The following GABRB3 variants were observed in gnomAD, a reference collection of about 807,000 sequenced individuals.
The protein encoded by GABRB3 is gamma-aminobutyric acid receptor subunit beta-3.
In GABRB3, 14 loss-of-function variants were observed where a neutral mutation model predicts 52.1. The ratio of observed to expected loss-of-function variants is 0.27; its 90% confidence interval spans 0.18 to 0.42. The LOEUF (loss-of-function observed/expected upper bound fraction) is 0.42. Among genes scored for constraint, GABRB3 ranks in the 10% least tolerant of loss-of-function variants. The pLI is 1.00. For synonymous variants in GABRB3, 260 were observed against 232.3 expected (o/e 1.12, Z -1.08); for missense variants, 307 against 609.1 (o/e 0.50, Z 5.22).
At chr15:26,595,774 C>T in intron 4 of GABRB3, among the ~76,000 whole-genome samples, 1 of 152,144 alleles carries the variant, frequency 6.6e-6, no homozygotes, top group Admixed American at 6.5e-5. Flanking sequence ...GACTTTAGGT[C>T]AAAAGAGCCT....
chr15:26,710,803 G>GT (rs1338224961), intron 3 of GABRB3, among the ~76,000 whole-genome samples: 4 of 151,770 alleles, frequency 2.6e-5, no homozygotes, highest in Non-Finnish European at 4.4e-5. Flanking sequence ...AGCTATAAAC[G>GT]TTTTTTCTAT....
chr15:26,726,487 A>C (rs1889774050), intron 3 of GABRB3, among the ~76,000 whole-genome samples: 1 of 152,242 alleles, frequency 6.6e-6, no homozygotes, highest in South Asian at 2.1e-4. Context: ...CATTGCATTT[A>C]GCAGTCTTCT....
intron 3 of GABRB3, among the ~76,000 whole-genome samples, chr15:26,688,160 C>G (rs531644487): frequency 6.6e-6 from 1 of 152,186 alleles, no homozygotes; most frequent in Non-Finnish European, 1.5e-5. Context: ...GAGTCAATGG[C>G]AAGTATATCC....
intron 3 of GABRB3, among the ~76,000 whole-genome samples, chr15:26,680,999 C>T (rs1450843937): frequency 6.6e-6 from 1 of 152,126 alleles, no homozygotes; most frequent in Non-Finnish European, 1.5e-5. Flanking sequence ...TAAGATTAAC[C>T]CTCTTCATGG....
At chr15:26,765,333 G>T (rs1327875693) in intron 3 of GABRB3, among the ~76,000 whole-genome samples, 1 of 152,022 alleles carries the variant, frequency 6.6e-6, no homozygotes, top group Non-Finnish European at 1.5e-5. Context: ...TAGCATAAAA[G>T]TTCCCCAGTG....
At chr15:26,586,397 A>AACACACACACACACACACAC (rs56386894) in intron 4 of GABRB3, among the ~76,000 whole-genome samples, 9,933 of 137,922 alleles carry the variant, frequency 0.072, 557 homozygotes, top group Admixed American at 0.097. Context: ...AACCACCCCT[A>AACACACACACACACACACAC]ACACACACAC....
rs141719124 is a variant in GABRB3, at chr15:26,560,228, A to G, written c.1080+704T>C. Among the ~76,000 whole-genome samples, 727 of 152,312 alleles carry G rather than the reference A, an allele frequency of 4.8e-3. 5 individuals carry two copies. Among genetic ancestry groups the G allele is most frequent in the African/African-American group, 0.017 (702 of 41,564 alleles). On this transcript the variant is annotated intron_variant, in intron 8 of 8. Coordinates refer to ENST00000311550, the MANE Select transcript of GABRB3 (RefSeq NM_000814.6). ...GGAAACCCTGTGACATGCACAAGGA[A>G]ATATTTCAGATTATGATCATCAAGC...
chr15:26,646,345 T>C (rs1432414668), intron 3 of GABRB3, among the ~76,000 whole-genome samples: 1 of 152,220 alleles, frequency 6.6e-6, no homozygotes, highest in African/African-American at 2.4e-5. Flanking sequence ...TTCTTTCACT[T>C]AGCATCATAC....
intron 5 of GABRB3, chr15:26,581,295 A>G (rs1566757453): frequency 6.6e-6 from 1 of 152,282 alleles, no homozygotes; most frequent in Non-Finnish European, 1.5e-5. Flanking sequence ...AGACTTTTTA[A>G]TTTGAACATA....
intron 4 of GABRB3, among the ~76,000 whole-genome samples, chr15:26,591,489 T>C (rs1265980016): frequency 6.6e-6 from 1 of 152,146 alleles, no homozygotes; most frequent in Non-Finnish European, 1.5e-5. Context: ...ACAGGCCCAA[T>C]GTACCTCCTC....
At position 26,545,631 on chromosome 15, in the gene GABRB3, G is replaced by A. The variant is rs375191748; in HGVS notation, c.*2162C>T. The A allele has an allele frequency of 2.0e-5, 3 of 152,432 alleles. No homozygotes were observed. The highest frequency in any genetic ancestry group is 7.2e-5 in the African/African-American group (3 of 41,428). The allele number at this position is 152,432 out of a possible 1,614,324, so 9.4% of individuals were successfully genotyped here. ...TACAGAAAAAGATACCTGAAGTATT[G>A]AAAGGGATAAGGTCTTTGCAAATGT... On this transcript the variant is annotated 3_prime_UTR_variant, in exon 9 of 9. Coordinates refer to ENST00000311550, the MANE Select transcript of GABRB3 (RefSeq NM_000814.6).
chr15:26,634,187 G>A (rs35680894), intron 3 of GABRB3, among the ~76,000 whole-genome samples: 1 of 151,846 alleles, frequency 6.6e-6, no homozygotes, highest in African/African-American at 2.4e-5. Context: ...TTCCACTGCT[G>A]TCTCTGGCCC....
intron 3 of GABRB3, among the ~76,000 whole-genome samples, chr15:26,649,658 CTGTGTGTGTG>C (rs57833685): frequency 2.3e-5 from 3 of 130,092 alleles, no homozygotes; most frequent in African/African-American, 3.0e-5. Context: ...AGAGCCAAGG[CTGTGTGTGTG>C]TGTGTGTGTG....
chr15:26,676,765 T>A (rs1880547969), intron 3 of GABRB3, among the ~76,000 whole-genome samples: 2 of 152,204 alleles, frequency 1.3e-5, no homozygotes, highest in African/African-American at 4.8e-5. Flanking sequence ...ACTCCCCCAC[T>A]AACAGACCTA....
At position 26,583,209 on chromosome 15, in the gene GABRB3, C is replaced by G. The variant is rs1214922084; in HGVS notation, c.544+123G>C. ...TCTCTCTCTCTCTGTGTTTCTCTCT[C>G]TGTGTCTTCCCCTCTTTCTATGTCA... is the stretch of plus-strand genomic sequence containing the variant. On this transcript the variant is annotated intron_variant, in intron 5 of 8. Coordinates refer to ENST00000311550, the MANE Select transcript of GABRB3 (RefSeq NM_000814.6). 5 of 743,500 alleles carry G rather than the reference C, an allele frequency of 6.7e-6. No homozygotes were observed. In the East Asian group the frequency reaches 1.3e-4, roughly 20 times the overall value. The allele number at this position is 743,500 out of a possible 1,614,324, so 46.1% of individuals were successfully genotyped here.
At chr15:26,577,800 C>A (rs1467189901) in intron 6 of GABRB3, among the ~76,000 whole-genome samples, 1 of 152,132 alleles carries the variant, frequency 6.6e-6, no homozygotes, top group Non-Finnish European at 1.5e-5. Flanking sequence ...CTCCCCCCAA[C>A]ACCCTTTTTC....
chr15:26,730,783 T>C (rs73372124), intron 3 of GABRB3, among the ~76,000 whole-genome samples: 3,005 of 152,334 alleles, frequency 0.02, 91 homozygotes, highest in African/African-American at 0.069. Flanking sequence ...TTGCTGGTTA[T>C]GCCATATCGC....
intron 3 of GABRB3, among the ~76,000 whole-genome samples, chr15:26,679,511 C>T (rs932325024): frequency 6.6e-6 from 1 of 152,094 alleles, no homozygotes; most frequent in Non-Finnish European, 1.5e-5. Flanking sequence ...CCTACCTCAC[C>T]CCACCTCCCT....
intron 3 of GABRB3, among the ~76,000 whole-genome samples, chr15:26,720,095 G>A (rs377408931): frequency 2.1e-4 from 32 of 152,132 alleles, no homozygotes; most frequent in African/African-American, 7.5e-4. Context: ...CTTTCTCCTG[G>A]CTCAACCTGG....
Sources: allele counts gnomAD v4.1 joint callset (sites outside exome capture counted in the v4.1 genomes callset), GRCh38; gene constraint gnomAD v4.1.1; transcripts MANE v1.5; gene names NCBI Gene and HGNC (gene_info 2026-07-23, HGNC 2026-07-21).